VPS13B: variants seen among roughly 807,000 people sequenced by gnomAD.
VPS13B encodes intermembrane lipid transfer protein VPS13B.
In VPS13B, 285 loss-of-function variants were observed where a neutral mutation model predicts 426.4. The observed-to-expected ratio is 0.67, with a 90% CI of 0.61 to 0.74. The LOEUF (loss-of-function observed/expected upper bound fraction) is 0.74. Among genes scored for constraint, VPS13B ranks in the 30% least tolerant of loss-of-function variants. The pLI is 0.00. For missense variants in VPS13B, 4,537 were observed against 4,782.6 expected (o/e 0.95, Z 1.51); for synonymous variants, 1,676 against 1,676.4 (o/e 1.00, Z 0.01).
At chr8:99,087,222 C>T (rs575660773) in intron 3 of VPS13B, among the ~76,000 whole-genome samples, 4 of 152,302 alleles carry the variant, frequency 2.6e-5, no homozygotes, top group African/African-American at 9.6e-5. Flanking sequence ...TGCTAGCAAT[C>T]AGCGAGGCTC....
intron 35 of VPS13B, chr8:99,697,215 G>A (rs1456401198): frequency 1.8e-6 from 1 of 568,764 alleles, no homozygotes; most frequent in Non-Finnish European, 3.2e-6. Context: ...AGTGCACAAG[G>A]TAAAGCTGGA....
At chr8:99,294,291 C>CA (rs1365449456) in intron 19 of VPS13B, among the ~76,000 whole-genome samples, 1 of 99,750 alleles carries the variant, frequency 1.0e-5, no homozygotes, top group African/African-American at 3.9e-5. Flanking sequence ...ATCACAAGAA[C>CA]AAAAAACCAA....
chr8:99,844,833 C>G (rs912166204), intron 54 of VPS13B, among the ~76,000 whole-genome samples: 1 of 152,182 alleles, frequency 6.6e-6, no homozygotes, highest in Non-Finnish European at 1.5e-5. Context: ...TTCTACATTT[C>G]TGGAATCTCT....
chr8:99,243,693 A>G (rs1341106547), intron 17 of VPS13B, among the ~76,000 whole-genome samples: 1 of 152,208 alleles, frequency 6.6e-6, no homozygotes, highest in Non-Finnish European at 1.5e-5. Context: ...TGTTCCATAC[A>G]TTGCTTGGTT....
intron 27 of VPS13B, among the ~76,000 whole-genome samples, chr8:99,506,924 A>G (rs951399930): frequency 2.6e-5 from 4 of 152,226 alleles, no homozygotes; most frequent in African/African-American, 9.6e-5. Context: ...CAGCCAAATA[A>G]ATACATAATT....
At chr8:99,341,778 G>T in intron 19 of VPS13B, 1 of 372,392 alleles carries the variant, frequency 2.7e-6, no homozygotes, top group Non-Finnish European at 5.5e-6. Flanking sequence ...CAAACCCCCA[G>T]GCGTCCCACC....
chr8:99,672,177 T>C (rs1830743224), intron 35 of VPS13B, among the ~76,000 whole-genome samples: 2 of 152,302 alleles, frequency 1.3e-5, no homozygotes, highest in South Asian at 2.1e-4. Context: ...GATACTTTGA[T>C]AGCAGTTTCA....
At chr8:99,276,741 A>G (rs577618874) in intron 19 of VPS13B, among the ~76,000 whole-genome samples, 4 of 152,142 alleles carry the variant, frequency 2.6e-5, no homozygotes, top group African/African-American at 9.6e-5. Flanking sequence ...CCTTAAATAT[A>G]TTGTTTAGTA....
intron 33 of VPS13B, among the ~76,000 whole-genome samples, chr8:99,601,647 C>A (rs1827304983): frequency 6.6e-6 from 1 of 152,192 alleles, no homozygotes; most frequent in South Asian, 2.1e-4. Context: ...TTCTCCACAT[C>A]CTCCACACCG....
At chr8:99,695,816 G>GAAGC (rs1831958445) in intron 35 of VPS13B, 1 of 151,990 alleles carries the variant, frequency 6.6e-6, no homozygotes, top group Admixed American at 6.5e-5. Context: ...ATCCAGGAGC[G>GAAGC]AAGCCAAAGA....
intron 40 of VPS13B, among the ~76,000 whole-genome samples, chr8:99,768,815 T>A (rs887664400): frequency 1.3e-5 from 2 of 152,192 alleles, no homozygotes; most frequent in Non-Finnish European, 2.9e-5. Context: ...ATTTCATGGA[T>A]GGAAAGATTG....
chr8:99,518,816 C>T lies in VPS13B; in HGVS notation c.4634-2083C>T, dbSNP rs559761398. 5.3e-5 allele frequency among the ~76,000 whole-genome samples: 8 copies of T among 152,158 alleles called. No individual in the cohort carries two copies. The South Asian group carries it at 1.5e-3, about 28-fold the overall frequency. ...CTGGAAATACAGCTGGAAATAATCT[C>T]GTAGCTTTTGCATTCTTTGGGCACC... is the stretch of plus-strand genomic sequence containing the variant. On this transcript the variant is annotated intron_variant, in intron 29 of 61. Coordinates refer to ENST00000357162, the MANE Select transcript of VPS13B (RefSeq NM_152564.5).
At chr8:99,464,704 C>T (rs1819021155) in intron 23 of VPS13B, among the ~76,000 whole-genome samples, 1 of 151,966 alleles carries the variant, frequency 6.6e-6, no homozygotes, top group African/African-American at 2.4e-5. Context: ...CTTTGGGGAC[C>T]TCCTCCCTGC....
At chr8:99,115,336 G>GT (rs1847599886) in intron 6 of VPS13B, among the ~76,000 whole-genome samples, 1 of 151,860 alleles carries the variant, frequency 6.6e-6, no homozygotes, top group African/African-American at 2.4e-5. Context: ...AGATTGTTCT[G>GT]TTTTTTGAGG....
At chr8:99,196,011 T>A (rs140338537) in intron 17 of VPS13B, among the ~76,000 whole-genome samples, 1 of 152,332 alleles carries the variant, frequency 6.6e-6, no homozygotes, top group African/African-American at 2.4e-5. Flanking sequence ...TATTCTTTTT[T>A]GTTTAATATT....
At chr8:99,589,085 T>C (rs1473413421) in intron 33 of VPS13B, among the ~76,000 whole-genome samples, 2 of 151,842 alleles carry the variant, frequency 1.3e-5, no homozygotes. Flanking sequence ...GTTCTGTTTA[T>C]GTGATGGATT....
chr8:99,843,072 G>A (rs1301805242), intron 54 of VPS13B, among the ~76,000 whole-genome samples: 10 of 152,160 alleles, frequency 6.6e-5, no homozygotes, highest in Admixed American at 6.5e-4. Context: ...AGGATCACCT[G>A]AGCCCAGGGA....
At chr8:99,695,560 AG>A (rs1254157982) in intron 35 of VPS13B, among the ~76,000 whole-genome samples, 1 of 57,606 alleles carries the variant, frequency 1.7e-5, no homozygotes, top group African/African-American at 7.2e-5. Context: ...GGGTGGGGGG[AG>A]GGGGGAGGGA....
intron 54 of VPS13B, among the ~76,000 whole-genome samples, chr8:99,839,833 T>G (rs182089187): frequency 1.3e-5 from 2 of 152,242 alleles, no homozygotes; most frequent in African/African-American, 4.8e-5. Context: ...GTGGTGGCTA[T>G]GAGAAATTTT....
Sources: gnomAD v4.1 joint callset for allele counts (sites outside exome capture counted in the v4.1 genomes callset) on GRCh38, gnomAD v4.1.1 for gene constraint, MANE v1.5 for transcripts, NCBI Gene and HGNC (gene_info 2026-07-23, HGNC 2026-07-21) for gene names.